The following RHBDD1 variants were observed in gnomAD, a reference collection of about 807,000 sequenced individuals.
The protein encoded by RHBDD1 is rhomboid-related protein 4.
In RHBDD1, 38 loss-of-function variants were observed where a neutral mutation model predicts 36.3. That is an observed-to-expected ratio of 1.05 (90% CI 0.81 to 1.37). The LOEUF is 1.37. Among genes scored for constraint, RHBDD1 ranks in the 40% most tolerant of loss-of-function variants. RHBDD1 has a pLI of 0.00. For synonymous variants in RHBDD1, 151 were observed against 136.5 expected (o/e 1.11, Z -0.74); for missense variants, 393 against 377.6 (o/e 1.04, Z -0.34).
intron 8 of RHBDD1, among the ~76,000 whole-genome samples, chr2:226,951,465 G>A (rs1446142183): frequency 6.6e-6 from 1 of 152,102 alleles, no homozygotes; most frequent in Non-Finnish European, 1.5e-5. Flanking sequence ...AGTTTTGTTT[G>A]TAAAATATTC....
At chr2:226,923,025 T>C (rs902675150) in intron 8 of RHBDD1, among the ~76,000 whole-genome samples, 6 of 152,240 alleles carry the variant, frequency 3.9e-5, no homozygotes, top group African/African-American at 9.6e-5. Context: ...GTTCATCTTA[T>C]AGTCTTTCTA....
intron 5 of RHBDD1, among the ~76,000 whole-genome samples, chr2:226,874,877 C>T (rs1447258469): frequency 6.6e-6 from 1 of 152,146 alleles, no homozygotes; most frequent in Admixed American, 6.6e-5. Flanking sequence ...TCAGCCTGTG[C>T]GTGTGCGCCT....
Position 226,998,266 on chromosome 2 carries a change from A to G in RHBDD1, c.*2744A>G, listed in dbSNP as rs1959979464. 1 of 152,180 alleles carries G rather than the reference A, an allele frequency of 6.6e-6. No individual in the cohort carries two copies. Among genetic ancestry groups the G allele is most frequent in the African/African-American group, 2.4e-5 (1 of 41,432 alleles). 9.4% of individuals were successfully genotyped at this position (152,180 alleles called of 1,614,324 possible). A position where few individuals can be genotyped will look rare whatever the true frequency, so the allele number is the denominator to read the frequency against. On this transcript the variant is annotated 3_prime_UTR_variant, in exon 9 of 9. Transcript: ENST00000392062. ...GTTCAGACCTCCTCCATCCTTTTAA[A>G]TTGCCTGCTGCAGTAAATAACTAGT... is the stretch of plus-strand genomic sequence containing the variant.
chr2:226,818,931 A>G, the RHBDD1 span, among the ~76,000 whole-genome samples: 1 of 152,204 alleles, frequency 6.6e-6, no homozygotes, highest in East Asian at 1.9e-4. Context: ...GTCAGCTAGA[A>G]TTGAAAAGCA....
At chr2:226,834,031 T>C (rs1265241348), upstream of RHBDD1, among the ~76,000 whole-genome samples, 2 of 152,238 alleles carry the variant, frequency 1.3e-5, no homozygotes, top group African/African-American at 4.8e-5. Flanking sequence ...TTCACTGATA[T>C]TTGAAACAGA....
At chr2:226,923,613 T>C (rs1949473291) in intron 8 of RHBDD1, among the ~76,000 whole-genome samples, 1 of 152,148 alleles carries the variant, frequency 6.6e-6, no homozygotes, top group Admixed American at 6.6e-5. Flanking sequence ...TTTCTACTTC[T>C]ATCCCTCTCT....
intron 8 of RHBDD1, among the ~76,000 whole-genome samples, chr2:226,950,088 G>A (rs1039899413): frequency 5.3e-5 from 8 of 152,114 alleles, no homozygotes; most frequent in Non-Finnish European, 1.0e-4. Flanking sequence ...TACTCTTCAT[G>A]ATTTTCAAGA....
the RHBDD1 span, among the ~76,000 whole-genome samples, chr2:226,827,496 T>C: frequency 6.6e-6 from 1 of 152,226 alleles, no homozygotes; most frequent in East Asian, 1.9e-4. Context: ...TACATTACCA[T>C]AATGATTCCT....
intron 8 of RHBDD1, among the ~76,000 whole-genome samples, chr2:226,936,773 C>T (rs1025814714): frequency 6.6e-6 from 1 of 151,986 alleles, no homozygotes; most frequent in Admixed American, 6.6e-5. Flanking sequence ...GCATTTTAGG[C>T]GGTTAAGTAC....
chr2:226,915,933 G>C (rs1393479627), intron 8 of RHBDD1, among the ~76,000 whole-genome samples: 1 of 152,178 alleles, frequency 6.6e-6, no homozygotes, highest in African/African-American at 2.4e-5. Context: ...ATTTTGGCTA[G>C]CGAGCTAAGG....
At chr2:226,949,246 G>C (rs1951244616) in intron 8 of RHBDD1, among the ~76,000 whole-genome samples, 1 of 152,140 alleles carries the variant, frequency 6.6e-6, no homozygotes, top group Non-Finnish European at 1.5e-5. Context: ...AGCTACCATT[G>C]ACTTTCTTCA....
At chr2:226,805,361 C>T in the RHBDD1 span, among the ~76,000 whole-genome samples, 3 of 152,282 alleles carry the variant, frequency 2.0e-5, no homozygotes, top group South Asian at 6.2e-4. Context: ...TACAGGCATG[C>T]CCTACCACGC....
intron 3 of RHBDD1, among the ~76,000 whole-genome samples, chr2:226,843,858 C>T (rs1386392306): frequency 3.9e-5 from 6 of 152,194 alleles, no homozygotes; most frequent in Admixed American, 2.6e-4. Flanking sequence ...ACCTGCTCTT[C>T]TTTGTACCCT....
intron 8 of RHBDD1, among the ~76,000 whole-genome samples, chr2:226,974,172 A>G (rs1954114171): frequency 1.3e-5 from 2 of 152,212 alleles, no homozygotes; most frequent in Admixed American, 6.6e-5. Context: ...GAATGTGGGA[A>G]GGTTCCGCTG....
In RHBDD1 at chr2:226,863,476, G is replaced by C. The variant is rs562505561; in HGVS notation, c.-90-1128G>C. The stretch of plus-strand genomic sequence containing the variant: ...GCATAACAAACCACTCCAAAGCTCA[G>C]TGAAGTAAACCAAGTACCATTTATT... On this transcript the variant is annotated intron_variant, in intron 3 of 8. Transcript: ENST00000392062. Among the ~76,000 whole-genome samples, 6 of 152,378 alleles carry C rather than the reference G, an allele frequency of 3.9e-5. No individual in the cohort carries two copies. In the East Asian group the frequency reaches 7.7e-4, roughly 20 times the overall value.
intron 8 of RHBDD1, among the ~76,000 whole-genome samples, chr2:226,919,358 G>C (rs372066223): frequency 1.3e-5 from 2 of 151,774 alleles, no homozygotes; most frequent in East Asian, 1.9e-4. Flanking sequence ...TTTGCTTTTT[G>C]ACCTGTGCTT....
chr2:226,824,906 T>C, the RHBDD1 span, among the ~76,000 whole-genome samples: 4 of 152,334 alleles, frequency 2.6e-5, no homozygotes, highest in African/African-American at 9.6e-5. Context: ...TGTGCATACA[T>C]GTGCGCAAAG....
At chr2:226,941,788 A>G (rs189387835) in intron 8 of RHBDD1, among the ~76,000 whole-genome samples, 71 of 152,344 alleles carry the variant, frequency 4.7e-4, no homozygotes, top group Non-Finnish European at 9.6e-4. Flanking sequence ...CCATGCACAT[A>G]CCCATAACAC....
intron 3 of RHBDD1, among the ~76,000 whole-genome samples, chr2:226,860,569 A>C (rs903869182): frequency 3.9e-5 from 6 of 152,110 alleles, no homozygotes; most frequent in Non-Finnish European, 5.9e-5. Context: ...TACAGATTTG[A>C]TCTTTACATG....
Sources: gnomAD v4.1 joint callset for allele counts (sites outside exome capture counted in the v4.1 genomes callset) on GRCh38, gnomAD v4.1.1 for gene constraint, MANE v1.5 for transcripts, NCBI Gene and HGNC (gene_info 2026-07-23, HGNC 2026-07-21) for gene names.